Variants in CCDC144A observed in about 807,000 individuals in gnomAD.
CCDC144A encodes the protein coiled-coil domain containing 144A, also known as coiled-coil domain-containing protein 144A.
Under a neutral mutation model 143.8 loss-of-function variants are expected in CCDC144A, and 41 were observed. That is an observed-to-expected ratio of 0.29 (90% confidence interval 0.22 to 0.37). The LOEUF (loss-of-function observed/expected upper bound fraction) is 0.37. Ranked by LOEUF, CCDC144A falls within the 10% of genes least tolerant of loss-of-function variation. The probability of loss-of-function intolerance (pLI) is 1.00; values close to 1 mark genes in which losing one functional copy is unlikely to be tolerated. For missense variants in CCDC144A, 637 were observed against 1,488.8 expected, an observed-to-expected ratio of 0.43 and a Z score of 9.41; for synonymous variants, 242 against 517.9, an observed-to-expected ratio of 0.47 and a Z score of 7.23.
the CCDC144A span, among the ~76,000 whole-genome samples, chr17:16,671,584 A>T: frequency 6.6e-6 from 1 of 152,050 alleles, no homozygotes; most frequent in Non-Finnish European, 1.5e-5. Flanking sequence ...CTCACAGTGA[A>T]TTTACCAGAT....
At chr17:16,668,591 A>AT in the CCDC144A span, among the ~76,000 whole-genome samples, 6 of 151,982 alleles carry the variant, frequency 3.9e-5, no homozygotes, top group African/African-American at 1.5e-4. Flanking sequence ...TAATTTTTTA[A>AT]TTTTTTTATT....
intron 15 of CCDC144A, among the ~76,000 whole-genome samples, chr17:16,769,947 C>T (rs1214090734): frequency 4.6e-5 from 7 of 151,556 alleles, no homozygotes; most frequent in Admixed American, 3.9e-4. Context: ...CCTGCCTCAG[C>T]CTCCTGAGTA....
chr17:16,680,109 C>T, the CCDC144A span, among the ~76,000 whole-genome samples: 5 of 151,840 alleles, frequency 3.3e-5, no homozygotes, highest in East Asian at 1.9e-4. Flanking sequence ...AAATGCCATG[C>T]GCTTTGTTTT....
At chr17:16,667,311 G>GGGCTGAGGAGGCTGAGGA in the CCDC144A span, among the ~76,000 whole-genome samples, 3 of 127,764 alleles carry the variant, frequency 2.3e-5, no homozygotes, top group African/African-American at 5.3e-5. Context: ...GGCGGCTGAG[G>GGGCTGAGGAGGCTGAGGA]GGCTGAGGAG....
intron 12 of CCDC144A, among the ~76,000 whole-genome samples, chr17:16,742,296 G>A (rs1914291967): frequency 6.6e-6 from 1 of 151,992 alleles, no homozygotes; most frequent in African/African-American, 2.4e-5. Context: ...TCCCACATGA[G>A]TGAAAACATA....
Position 16,777,207 on chromosome 17 carries a change from A to T in CCDC144A, c.*3574A>T, listed in dbSNP as rs1277314759. The T allele has an allele frequency of 4.4e-5, 6 of 137,436 alleles. No individual in the cohort carries two copies. Among genetic ancestry groups the T allele is most frequent in the Non-Finnish European group, 7.7e-5 (5 of 64,786 alleles). The allele number at this position is 137,436 out of a possible 1,614,324, so 8.5% of individuals were successfully genotyped here. On this transcript the variant is annotated 3_prime_UTR_variant, in exon 17 of 17. Transcript: ENST00000399273. ...ACCTAATACTGGAGATCCCAAATTT[A>T]TAAAACAATTACTACTAGACATAAG...
At chr17:16,757,338 C>T (rs556470101) in intron 12 of CCDC144A, among the ~76,000 whole-genome samples, 1 of 152,350 alleles carries the variant, frequency 6.6e-6, no homozygotes, top group African/African-American at 2.4e-5. Flanking sequence ...CAGGCTTGTC[C>T]ACAGGTTAAC....
At chr17:16,716,220 AAAAACAAGCAAACAAACAAAC>A (rs1215851935) in intron 6 of CCDC144A, among the ~76,000 whole-genome samples, 2 of 152,230 alleles carry the variant, frequency 1.3e-5, no homozygotes, top group South Asian at 2.1e-4. Flanking sequence ...TACATAGTTA[AAAAACAAGCAAACAAACAAAC>A]AAAAAACAAT....
chr17:16,750,020 C>A (rs1234816816), intron 12 of CCDC144A, among the ~76,000 whole-genome samples: 1 of 152,136 alleles, frequency 6.6e-6, no homozygotes, highest in Non-Finnish European at 1.5e-5. Context: ...ACTGTTGATT[C>A]TTATTGGTTT....
In CCDC144A at chr17:16,750,252, G is replaced by A. The variant is rs533971280; in HGVS notation, c.3373-11173G>A. Among the ~76,000 whole-genome samples the A allele has an allele frequency of 7.8e-4, 119 of 151,774 alleles. 1 individual carries two copies. The highest frequency in any genetic ancestry group is 2.8e-3 in the African/African-American group (115 of 41,222). ...TATTGTTCTTTCTTTTCCATATTTA[G>A]AACTCCTTAAGAATCTCTTGTAAGT... On this transcript the variant is annotated intron_variant, in intron 12 of 16. Transcript: ENST00000399273.
the CCDC144A span, among the ~76,000 whole-genome samples, chr17:16,682,892 T>TG: frequency 1.1e-4 from 10 of 87,012 alleles, no homozygotes; most frequent in Admixed American, 7.4e-4. Flanking sequence ...TGTTTTTTTT[T>TG]TTTTTTTTTT....
the CCDC144A span, among the ~76,000 whole-genome samples, chr17:16,680,801 A>G: frequency 6.6e-6 from 1 of 152,122 alleles, no homozygotes; most frequent in Non-Finnish European, 1.5e-5. Context: ...TCTACCGACC[A>G]ATCTAACCAA....
At chr17:16,755,360 T>G (rs1915028103) in intron 12 of CCDC144A, among the ~76,000 whole-genome samples, 1 of 152,274 alleles carries the variant, frequency 6.6e-6, no homozygotes, top group Non-Finnish European at 1.5e-5. Flanking sequence ...TCTGTAGTAA[T>G]AATGTTTGAT....
At chr17:16,702,129 T>G (rs375612372) in intron 2 of CCDC144A, among the ~76,000 whole-genome samples, 18 of 152,192 alleles carry the variant, frequency 1.2e-4, no homozygotes, top group Admixed American at 8.5e-4. Flanking sequence ...GAAAAATAAT[T>G]TTGTTTTCAC....
chr17:16,755,165 T>C (rs573180881), intron 12 of CCDC144A, among the ~76,000 whole-genome samples: 3 of 152,366 alleles, frequency 2.0e-5, no homozygotes, highest in African/African-American at 7.2e-5. Context: ...TATTATTTGG[T>C]CTTTTTTTGT....
chr17:16,751,076 T>G (rs1208107432), intron 12 of CCDC144A, among the ~76,000 whole-genome samples: 1 of 152,186 alleles, frequency 6.6e-6, no homozygotes. Flanking sequence ...GCTAGTGTGA[T>G]TTTTTGGAGG....
the CCDC144A span, among the ~76,000 whole-genome samples, chr17:16,669,894 G>A: frequency 6.6e-6 from 1 of 152,114 alleles, no homozygotes; most frequent in South Asian, 2.1e-4. Context: ...AAAAATTATA[G>A]AAAACTATTG....
intron 12 of CCDC144A, among the ~76,000 whole-genome samples, chr17:16,756,977 G>A (rs1476713978): frequency 6.6e-6 from 1 of 152,268 alleles, no homozygotes; most frequent in Non-Finnish European, 1.5e-5. Context: ...TGGTGATGGG[G>A]AGGACAGCAG....
intron 5 of CCDC144A, among the ~76,000 whole-genome samples, chr17:16,711,087 T>G (rs1188080089): frequency 1.5e-5 from 2 of 134,902 alleles, no homozygotes; most frequent in Non-Finnish European, 3.2e-5. Flanking sequence ...TGTGGCAGAC[T>G]TGTATTTCAG....
Sources: allele counts gnomAD v4.1 joint callset (sites outside exome capture counted in the v4.1 genomes callset), GRCh38; gene constraint gnomAD v4.1.1; transcripts MANE v1.5; gene names NCBI Gene and HGNC (gene_info 2026-07-23, HGNC 2026-07-21).